PLXDC2: variants seen among roughly 807,000 people sequenced by gnomAD.
PLXDC2 encodes the protein plexin domain containing 2, also known as plexin domain-containing protein 2.
A neutral mutation model predicts 68.9 loss-of-function variants in PLXDC2; 40 were observed. The observed-to-expected ratio is 0.58, with a 90% CI of 0.45 to 0.76. PLXDC2 has a LOEUF of 0.76. PLXDC2 is among the 30% of genes least tolerant of loss of function. PLXDC2 has a pLI of 0.00. For synonymous variants in PLXDC2, 243 were observed against 234.2 expected (o/e 1.04, Z -0.34); for missense variants, 644 against 661.9 (o/e 0.97, Z 0.30).
intron 13 of PLXDC2, among the ~76,000 whole-genome samples, chr10:20,263,965 T>C (rs1218028627): frequency 6.6e-6 from 1 of 152,094 alleles, no homozygotes; most frequent in East Asian, 1.9e-4. Context: ...TTGGTATATA[T>C]ATATACCAAG....
chr10:20,184,445 G>T (rs564890609), intron 9 of PLXDC2, among the ~76,000 whole-genome samples: 1 of 150,428 alleles, frequency 6.6e-6, no homozygotes, highest in Non-Finnish European at 1.5e-5. Flanking sequence ...TAAATCATGT[G>T]TATTATATTT....
chr10:20,245,278 C>A lies in PLXDC2; in HGVS notation c.1313-67C>A, dbSNP rs1304987524. 1.4e-5 allele frequency: 21 copies of A among 1,499,690 alleles called. No individual in the cohort carries two copies. In the Admixed American group the frequency reaches 4.7e-4, roughly 33 times the overall value. The allele number at this position is 1,499,690 out of a possible 1,614,324, so 92.9% of individuals were successfully genotyped here. ...TACTTTATTAAAAACACAAATATCTCCTCAGATGAAAATGCAAACTTGAGG... is the reference window on the plus strand; with the variant it reads ...TACTTTATTAAAAACACAAATATCTACTCAGATGAAAATGCAAACTTGAGG... On this transcript the variant is annotated intron_variant, in intron 12 of 13. Coordinates refer to ENST00000377252, the MANE Select transcript of PLXDC2 (RefSeq NM_032812.9).
At chr10:20,177,786 C>G (rs894687696) in intron 9 of PLXDC2, among the ~76,000 whole-genome samples, 4 of 152,052 alleles carry the variant, frequency 2.6e-5, no homozygotes, top group African/African-American at 9.6e-5. Context: ...AAGTGGATGT[C>G]AAAAGTGTAG....
chr10:19,827,285 CTT>C (rs1397538404), intron 1 of PLXDC2, among the ~76,000 whole-genome samples: 1 of 152,178 alleles, frequency 6.6e-6, no homozygotes, highest in African/African-American at 2.4e-5. Context: ...TATAATAAGT[CTT>C]TATATCTGAT....
intron 2 of PLXDC2, among the ~76,000 whole-genome samples, chr10:20,029,436 C>A (rs1293077218): frequency 6.6e-6 from 1 of 152,100 alleles, no homozygotes; most frequent in Non-Finnish European, 1.5e-5. Flanking sequence ...TTGACGGCAT[C>A]TTCTTATATT....
intron 4 of PLXDC2, among the ~76,000 whole-genome samples, chr10:20,113,543 G>T (rs1833584723): frequency 6.6e-6 from 1 of 152,086 alleles, no homozygotes; most frequent in South Asian, 2.1e-4. Context: ...TCCTGAGATA[G>T]ACAGCGAATT....
At chr10:19,934,748 T>A (rs776662888) in intron 1 of PLXDC2, among the ~76,000 whole-genome samples, 23 of 152,224 alleles carry the variant, frequency 1.5e-4, no homozygotes, top group Admixed American at 6.5e-5. Context: ...AGTGCCTAAC[T>A]AGTTTGCGTT....
intron 1 of PLXDC2, among the ~76,000 whole-genome samples, chr10:19,837,403 AGAGAGAGTGTGTGTGTGT>A (rs1233693322): frequency 1.7e-4 from 10 of 60,558 alleles, no homozygotes; most frequent in Admixed American, 1.9e-4. Flanking sequence ...AGAGAGAGAG[AGAGAGAGTGTGTGTGTGT>A]GTGTGTGTGT....
At chr10:20,124,389 G>A (rs1050949117) in intron 4 of PLXDC2, among the ~76,000 whole-genome samples, 4 of 152,160 alleles carry the variant, frequency 2.6e-5, no homozygotes, top group East Asian at 1.9e-4. Flanking sequence ...CCGCTCACCC[G>A]ATTTAAAATT....
chr10:20,014,495 C>G (rs938039544), intron 2 of PLXDC2, among the ~76,000 whole-genome samples: 2 of 149,918 alleles, frequency 1.3e-5, no homozygotes, highest in African/African-American at 4.9e-5. Flanking sequence ...TTCTCTCTTT[C>G]TGTCATCAAC....
intron 4 of PLXDC2, among the ~76,000 whole-genome samples, chr10:20,108,817 G>T (rs1271814030): frequency 6.6e-6 from 1 of 152,118 alleles, no homozygotes; most frequent in Non-Finnish European, 1.5e-5. Flanking sequence ...AATATTCAAT[G>T]AATATCAAGT....
chr10:20,065,981 T>A (rs185429778), intron 3 of PLXDC2, among the ~76,000 whole-genome samples: 57 of 152,340 alleles, frequency 3.7e-4, no homozygotes, highest in Non-Finnish European at 7.2e-4. Context: ...AGTAGAGCCA[T>A]GACACTTCTG....
intron 4 of PLXDC2, among the ~76,000 whole-genome samples, chr10:20,115,910 C>T (rs1004373061): frequency 6.6e-6 from 1 of 152,116 alleles, no homozygotes; most frequent in Non-Finnish European, 1.5e-5. Flanking sequence ...ACACATTAAA[C>T]GGGAGCTGCA....
At chr10:20,136,733 T>A (rs1407308345) in intron 4 of PLXDC2, among the ~76,000 whole-genome samples, 4 of 152,220 alleles carry the variant, frequency 2.6e-5, no homozygotes, top group Admixed American at 1.3e-4. Flanking sequence ...AGCATTAAAC[T>A]ACAAATGTTC....
At chr10:20,004,923 C>T (rs1198670545) in intron 2 of PLXDC2, among the ~76,000 whole-genome samples, 2 of 152,048 alleles carry the variant, frequency 1.3e-5, no homozygotes, top group Non-Finnish European at 2.9e-5. Context: ...GGGTACTCAC[C>T]CAGGGCTAAG....
intron 4 of PLXDC2, among the ~76,000 whole-genome samples, chr10:20,141,125 A>T (rs565883783): frequency 2.0e-5 from 3 of 152,104 alleles, no homozygotes; most frequent in Non-Finnish European, 2.9e-5. Flanking sequence ...TTGAAATTTC[A>T]CCTTTGACAT....
chr10:20,041,358 T>A (rs1564292601), intron 2 of PLXDC2, among the ~76,000 whole-genome samples: 1 of 152,174 alleles, frequency 6.6e-6, no homozygotes, highest in Non-Finnish European at 1.5e-5. Flanking sequence ...AACATTGTTA[T>A]TATCAGATAT....
chr10:20,035,143 G>T (rs1835557580), intron 2 of PLXDC2, among the ~76,000 whole-genome samples: 1 of 152,082 alleles, frequency 6.6e-6, no homozygotes, highest in Admixed American at 6.5e-5. Context: ...GAAAATAGAG[G>T]CTCGGAAAGT....
At chr10:20,272,968 G>C (rs182527844) in intron 13 of PLXDC2, among the ~76,000 whole-genome samples, 63 of 152,302 alleles carry the variant, frequency 4.1e-4, no homozygotes, top group African/African-American at 1.5e-3. Context: ...GAGAATAAAA[G>C]TTAATCCGGG....
Sources: gnomAD v4.1 joint callset for allele counts (sites outside exome capture counted in the v4.1 genomes callset) on GRCh38, gnomAD v4.1.1 for gene constraint, MANE v1.5 for transcripts, NCBI Gene and HGNC (gene_info 2026-07-23, HGNC 2026-07-21) for gene names.